Variants in SIDT1 observed in about 807,000 individuals in gnomAD.
SIDT1 encodes SID1 transmembrane family member 1, also known as SID1 transmembrane family, member 1.
A neutral mutation model predicts 107.5 loss-of-function variants in SIDT1; 101 were observed. The observed-to-expected ratio is 0.94, with a 90% CI of 0.80 to 1.11. The LOEUF (loss-of-function observed/expected upper bound fraction) is 1.11, where lower values mean the gene tolerates loss of function less well. Ranked by LOEUF, SIDT1 falls within the 50% of genes least tolerant of loss-of-function variation. The pLI, the probability that SIDT1 is intolerant of heterozygous loss-of-function variation, is 0.00. For missense variants in SIDT1, 1,076 were observed against 1,058.2 expected (o/e 1.02, Z -0.23); for synonymous variants, 395 against 398.2 (o/e 0.99, Z 0.10).
chr3:113,581,689 A>G, intron 6 of SIDT1: 1 of 442,598 alleles, frequency 2.3e-6, no homozygotes, highest in Non-Finnish European at 4.1e-6. Context: ...CCTGGCCAAT[A>G]TGGCAAAACC....
intron 17 of SIDT1, among the ~76,000 whole-genome samples, chr3:113,610,238 A>G (rs1448593917): frequency 6.6e-6 from 1 of 152,166 alleles, no homozygotes; most frequent in Non-Finnish European, 1.5e-5. Flanking sequence ...TATGTATGTG[A>G]GAGAGGTTCC....
At chr3:113,561,807 C>T (rs1459998512) in intron 1 of SIDT1, among the ~76,000 whole-genome samples, 2 of 151,986 alleles carry the variant, frequency 1.3e-5, no homozygotes, top group Non-Finnish European at 2.9e-5. Flanking sequence ...AAAATCTTTG[C>T]CTTAGATCAA....
chr3:113,547,884 A>T (rs1939778425), intron 1 of SIDT1, among the ~76,000 whole-genome samples: 1 of 152,104 alleles, frequency 6.6e-6, no homozygotes, highest in East Asian at 1.9e-4. Flanking sequence ...GTAAAGTATG[A>T]TTAATTTAAA....
intron 20 of SIDT1, among the ~76,000 whole-genome samples, chr3:113,617,698 G>C (rs545374536): frequency 2.0e-5 from 3 of 152,354 alleles, no homozygotes; most frequent in African/African-American, 7.2e-5. Context: ...CTGTGAAACA[G>C]GAGAGGCAAG....
chr3:113,633,196 T>C (rs866502221), downstream of SIDT1, among the ~76,000 whole-genome samples: 2 of 152,238 alleles, frequency 1.3e-5, no homozygotes, highest in Non-Finnish European at 2.9e-5. Context: ...GGTTCCCAGT[T>C]CTACCACAAA....
chr3:113,569,138 C>CAAAAAAAAA (rs780715523), intron 3 of SIDT1, among the ~76,000 whole-genome samples: 1 of 55,478 alleles, frequency 1.8e-5, no homozygotes, highest in Non-Finnish European at 3.5e-5. Flanking sequence ...GACTCCCTCT[C>CAAAAAAAAA]AAAAAAAAAA....
intron 19 of SIDT1, 58 bp from the exon 20 acceptor site, chr3:113,616,042 A>G: frequency 8.4e-7 from 1 of 1,188,234 alleles, no homozygotes; most frequent in Non-Finnish European, 1.3e-6. Context: ...GGGCCACTTC[A>G]GAGTATTTGT....
chr3:113,577,260 G>C (rs1202577244), intron 4 of SIDT1, among the ~76,000 whole-genome samples: 3 of 152,178 alleles, frequency 2.0e-5, no homozygotes, highest in Non-Finnish European at 4.4e-5. Context: ...CAAGAACATT[G>C]TTAGACTGCA....
chr3:113,581,499 G>GTACACT, intron 6 of SIDT1, 55 bp downstream of exon 6: 1 of 1,387,002 alleles, frequency 7.2e-7, no homozygotes, highest in Non-Finnish European at 1.0e-6. Context: ...AATAGATAGT[G>GTACACT]TACTTACTGG....
chr3:113,620,218 G>A (rs1469396726), intron 21 of SIDT1, among the ~76,000 whole-genome samples: 1 of 151,882 alleles, frequency 6.6e-6, no homozygotes, highest in Non-Finnish European at 1.5e-5. Context: ...GTGTGTGTGT[G>A]TGTGTGCAAG....
intron 4 of SIDT1, among the ~76,000 whole-genome samples, chr3:113,577,336 G>C (rs777178740): frequency 5.3e-5 from 8 of 152,194 alleles, no homozygotes; most frequent in Admixed American, 1.3e-4. Flanking sequence ...GAACCTGATA[G>C]CTGGGAAGTG....
intron 19 of SIDT1, chr3:113,612,482 C>T: frequency 2.0e-6 from 1 of 504,990 alleles, no homozygotes; most frequent in Non-Finnish European, 3.8e-6. Flanking sequence ...TTACAGTCTG[C>T]CAAACTTTGA....
Position 113,610,990 on chromosome 3 carries a change from C to T in SIDT1, c.1721-18C>T, listed in dbSNP as rs775791753. 3 of 1,610,980 alleles carry T rather than the reference C, an allele frequency of 1.9e-6. No individual in the cohort carries two copies. In the South Asian group the frequency reaches 3.3e-5, roughly 18 times the overall value. ...CCTACTGAATCCTGATCATCTGGCTCCTCCTTTGGGTCCTCAGACACCTCC... is the reference window on the plus strand; with the variant it reads ...CCTACTGAATCCTGATCATCTGGCTTCTCCTTTGGGTCCTCAGACACCTCC... On this transcript the variant is annotated intron_variant, in intron 17 of 24. Transcript: ENST00000264852.
At chr3:113,566,562 G>C in intron 2 of SIDT1, 21 bp downstream of exon 2, 1 of 1,609,276 alleles carries the variant, frequency 6.2e-7, no homozygotes. Flanking sequence ...TTTCTTCCAG[G>C]CAACTTCACT....
At chr3:113,552,678 C>A (rs532269358) in intron 1 of SIDT1, among the ~76,000 whole-genome samples, 4 of 152,126 alleles carry the variant, frequency 2.6e-5, no homozygotes, top group Non-Finnish European at 2.9e-5. Flanking sequence ...ATATGGTCAC[C>A]CCTGGACCCC....
intron 19 of SIDT1, among the ~76,000 whole-genome samples, chr3:113,613,336 G>A (rs1189663365): frequency 6.6e-6 from 1 of 152,212 alleles, no homozygotes; most frequent in Non-Finnish European, 1.5e-5. Flanking sequence ...CTGGCTCCCT[G>A]GAATTCAGAA....
chr3:113,566,386 G>A (rs547661916), intron 1 of SIDT1, 34 bp from the exon 2 acceptor site: 17 of 1,602,026 alleles, frequency 1.1e-5, no homozygotes, highest in Middle Eastern at 1.8e-4. Context: ...GCATGTGCAC[G>A]TTTTGCATTA....
intron 14 of SIDT1, among the ~76,000 whole-genome samples, chr3:113,605,731 C>T (rs939517085): frequency 1.1e-4 from 17 of 152,008 alleles, no homozygotes; most frequent in African/African-American, 1.9e-4. Flanking sequence ...TGGCTGGGCA[C>T]GGTGGCTCAC....
chr3:113,545,364 A>C (rs966113142), intron 1 of SIDT1, among the ~76,000 whole-genome samples: 1 of 151,998 alleles, frequency 6.6e-6, no homozygotes, highest in South Asian at 2.1e-4. Flanking sequence ...TTATTTACTT[A>C]TTTCTTTTAT....
Sources: gnomAD v4.1 joint callset for allele counts (sites outside exome capture counted in the v4.1 genomes callset) on GRCh38, gnomAD v4.1.1 for gene constraint, MANE v1.5 for transcripts, NCBI Gene and HGNC (gene_info 2026-07-23, HGNC 2026-07-21) for gene names.